The following TMEM117 variants were observed in gnomAD, a reference collection of about 807,000 sequenced individuals.
The protein encoded by TMEM117 is transmembrane protein 117.
In TMEM117, 27 loss-of-function variants were observed where a neutral mutation model predicts 52.4. The observed-to-expected ratio is 0.51, with a 90% CI of 0.38 to 0.71. TMEM117 has a LOEUF of 0.71. TMEM117 is among the 30% of genes least tolerant of loss of function. The pLI is 0.00. For synonymous variants in TMEM117, 215 were observed against 206.3 expected (o/e 1.04, Z -0.36); for missense variants, 556 against 630.5 (o/e 0.88, Z 1.26).
chr12:44,355,175 T>TAC (rs1236364227), intron 6 of TMEM117, among the ~76,000 whole-genome samples: 7 of 152,074 alleles, frequency 4.6e-5, no homozygotes, highest in Non-Finnish European at 7.4e-5. Flanking sequence ...ATTTTCCTTG[T>TAC]ACAAGTTGGC....
At chr12:44,206,464 G>T (rs1949568477) in intron 4 of TMEM117, among the ~76,000 whole-genome samples, 1 of 152,148 alleles carries the variant, frequency 6.6e-6, no homozygotes, top group Admixed American at 6.6e-5. Flanking sequence ...TTCCCAGCAG[G>T]CATATGCCTA....
intron 2 of TMEM117, among the ~76,000 whole-genome samples, chr12:43,857,855 C>G (rs1296316561): frequency 6.6e-6 from 1 of 152,128 alleles, no homozygotes; most frequent in Non-Finnish European, 1.5e-5. Flanking sequence ...TGTTAACAAT[C>G]CCATCATAGA....
At chr12:44,165,442 A>G (rs1192614368) in intron 4 of TMEM117, among the ~76,000 whole-genome samples, 1 of 152,210 alleles carries the variant, frequency 6.6e-6, no homozygotes, top group East Asian at 1.9e-4. Context: ...GAATGGATGA[A>G]AAAATAATAA....
intron 5 of TMEM117, among the ~76,000 whole-genome samples, chr12:44,214,138 AT>A (rs773352634): frequency 0.13 from 13,267 of 98,556 alleles, 702 homozygotes; most frequent in Admixed American, 0.17. Flanking sequence ...TTTTTTTTTA[AT>A]TTTTTTTTTT....
intron 6 of TMEM117, among the ~76,000 whole-genome samples, chr12:44,355,684 A>C (rs558539224): frequency 6.6e-6 from 1 of 152,068 alleles, no homozygotes; most frequent in Non-Finnish European, 1.5e-5. Flanking sequence ...TTGATGATCA[A>C]ATCCTAAAGC....
Position 43,844,833 on chromosome 12 carries a change from G to T in TMEM117, c.182G>T (p.Gly61Val). The change falls in exon 2 of 8, where the codon GGA becomes GTA. Residue 61 changes from glycine to valine, a missense_variant. This residue lies in a region of TMEM117 where 328 missense variants were observed against 371.4 expected (regional missense o/e 0.88). Transcript: ENST00000266534. Reference sequence around the variant, plus strand: ...TTTGTTACAAATAAATACCCTAGAGGAGTTGGCTGGAGGATTTTGAAGGTG... The same window carrying T: ...TTTGTTACAAATAAATACCCTAGAGTAGTTGGCTGGAGGATTTTGAAGGTG... ...FSFVTNKYPR[G>V]VGWRILKVLL... The T allele has an allele frequency of 6.2e-7, 1 of 1,614,166 alleles. No individual in the cohort carries two copies. Among genetic ancestry groups the T allele is most frequent in the South Asian group, 1.1e-5 (1 of 91,082 alleles).
intron 3 of TMEM117, among the ~76,000 whole-genome samples, chr12:43,960,987 G>C (rs118011803): frequency 1.3e-5 from 2 of 152,260 alleles, no homozygotes; most frequent in East Asian, 3.9e-4. Context: ...GTGGGAGGCA[G>C]TGTGATATAA....
chr12:44,266,878 C>G (rs1367496361), intron 5 of TMEM117, among the ~76,000 whole-genome samples: 1 of 152,012 alleles, frequency 6.6e-6, no homozygotes, highest in Non-Finnish European at 1.5e-5. Flanking sequence ...ATTCTTTTCC[C>G]CATTGTATAG....
intron 3 of TMEM117, among the ~76,000 whole-genome samples, chr12:43,951,280 C>T (rs1456605660): frequency 6.6e-6 from 1 of 152,200 alleles, no homozygotes; most frequent in Non-Finnish European, 1.5e-5. Context: ...ACTTGGAACT[C>T]CAGTGAGACG....
intron 3 of TMEM117, among the ~76,000 whole-genome samples, chr12:44,015,839 T>C (rs1946365736): frequency 6.6e-6 from 1 of 152,162 alleles, no homozygotes; most frequent in Non-Finnish European, 1.5e-5. Context: ...CTCATTGAGA[T>C]ATAATGGGAT....
intron 6 of TMEM117, among the ~76,000 whole-genome samples, chr12:44,353,537 C>G (rs1480336016): frequency 2.0e-5 from 3 of 151,852 alleles, no homozygotes; most frequent in Non-Finnish European, 4.4e-5. Flanking sequence ...TTCCCAGCAC[C>G]ATTTATTAAA....
At chr12:44,140,453 G>A (rs1006372794) in intron 3 of TMEM117, among the ~76,000 whole-genome samples, 1 of 151,956 alleles carries the variant, frequency 6.6e-6, no homozygotes, top group African/African-American at 2.4e-5. Flanking sequence ...TTCTCCACTG[G>A]AGAATCAACA....
the TMEM117 span, chr12:43,800,544 A>G: frequency 1.3e-6 from 2 of 1,594,716 alleles, no homozygotes. Flanking sequence ...TTCAGTTGTG[A>G]AAGTTTACTT....
At position 44,054,060 on chromosome 12, in the gene TMEM117, G is replaced by T. The variant is rs190881714; in HGVS notation, c.411-89465G>T. On this transcript the variant is annotated intron_variant, in intron 3 of 7. Coordinates refer to ENST00000266534, the MANE Select transcript of TMEM117 (RefSeq NM_032256.3). ...AGATCAAAGAAATTGTTGAAAAATT[G>T]CATCCCTGATAACTAGTGACATATT... 6.4e-3 allele frequency among the ~76,000 whole-genome samples: 970 copies of T among 152,228 alleles called. 18 individuals are homozygous for T. Among genetic ancestry groups the T allele is most frequent in the Admixed American group, 0.028 (428 of 15,284 alleles).
chr12:43,913,616 A>G (rs1944552409), intron 2 of TMEM117, among the ~76,000 whole-genome samples: 1 of 152,132 alleles, frequency 6.6e-6, no homozygotes, highest in Non-Finnish European at 1.5e-5. Context: ...TAAATCTAAC[A>G]TCCAGGTGTT....
At chr12:44,165,137 T>C (rs1169295537) in intron 4 of TMEM117, among the ~76,000 whole-genome samples, 1 of 152,034 alleles carries the variant, frequency 6.6e-6, no homozygotes, top group Non-Finnish European at 1.5e-5. Context: ...TCTACCTTCA[T>C]GAGATCAACT....
chr12:44,028,155 T>C (rs1244715027), intron 3 of TMEM117, among the ~76,000 whole-genome samples: 1 of 152,162 alleles, frequency 6.6e-6, no homozygotes, highest in African/African-American at 2.4e-5. Flanking sequence ...ATCGCACCAC[T>C]GCACTCCAGC....
chr12:43,803,201 A>G, the TMEM117 span, among the ~76,000 whole-genome samples: 1 of 152,272 alleles, frequency 6.6e-6, no homozygotes, highest in East Asian at 1.9e-4. Flanking sequence ...CAAATGGAAC[A>G]TTTTCAGAAA....
At chr12:44,179,423 T>C (rs1005210401) in intron 4 of TMEM117, among the ~76,000 whole-genome samples, 1 of 151,994 alleles carries the variant, frequency 6.6e-6, no homozygotes, top group African/African-American at 2.4e-5. Context: ...GCCCGAGAGC[T>C]TCTGGGAGTC....
Sources: allele counts gnomAD v4.1 joint callset (sites outside exome capture counted in the v4.1 genomes callset), GRCh38; gene constraint gnomAD v4.1.1; regional missense constraint gnomAD v4.1.1; transcripts MANE v1.5; gene names NCBI Gene and HGNC (gene_info 2026-07-23, HGNC 2026-07-21).